The following CSRNP3 variants were observed in gnomAD, a reference collection of about 807,000 sequenced individuals.
CSRNP3 encodes cysteine/serine-rich nuclear protein 3.
CSRNP3 carries 12 observed loss-of-function variants against 48.0 expected under a neutral mutation model. That is an observed-to-expected ratio of 0.25 (90% CI 0.16 to 0.41). CSRNP3 has a LOEUF of 0.41. Ranked by LOEUF, CSRNP3 falls within the 10% of genes least tolerant of loss-of-function variation. CSRNP3 has a pLI of 1.00. For missense variants in CSRNP3, 580 were observed against 724.4 expected (o/e 0.80, Z 2.29); for synonymous variants, 263 against 269.7 (o/e 0.98, Z 0.24).
chr2:165,656,846 CT>C lies in CSRNP3; in HGVS notation c.149-909del, dbSNP rs573860470. Among the ~76,000 whole-genome samples, 273 of 152,212 alleles carry C rather than the reference CT, an allele frequency of 1.8e-3. 3 individuals carry two copies. The highest frequency in any genetic ancestry group is 5.9e-3 in the African/African-American group (247 of 41,548). ...AGGTATGAGGGTTTGTACTATGTGT[CT>C]TTTTTGATTATAGTATAATACAACT... On this transcript the variant is annotated intron_variant, in intron 4 of 6. Transcript: ENST00000651982.
At chr2:165,635,913 C>T (rs1686619742) in intron 4 of CSRNP3, among the ~76,000 whole-genome samples, 1 of 152,142 alleles carries the variant, frequency 6.6e-6, no homozygotes, top group South Asian at 2.1e-4. Flanking sequence ...TTCTTTCCCT[C>T]CTCAATTGTT....
intron 2 of CSRNP3, among the ~76,000 whole-genome samples, chr2:165,516,442 G>C (rs945836732): frequency 6.6e-6 from 1 of 151,914 alleles, no homozygotes; most frequent in South Asian, 2.1e-4. Context: ...TTTGAAAAAC[G>C]TACAGAGAGG....
chr2:165,594,514 C>G (rs1337158387), intron 3 of CSRNP3, among the ~76,000 whole-genome samples: 1 of 152,152 alleles, frequency 6.6e-6, no homozygotes. Context: ...CTTCAGTAAG[C>G]AGGTAGCATG....
chr2:165,596,432 C>G (rs1411250567), intron 4 of CSRNP3, among the ~76,000 whole-genome samples: 1 of 151,968 alleles, frequency 6.6e-6, no homozygotes, highest in Non-Finnish European at 1.5e-5. Flanking sequence ...TGTAGCAACT[C>G]AAACAACTAA....
At chr2:165,639,351 A>C (rs891739451) in intron 4 of CSRNP3, among the ~76,000 whole-genome samples, 4 of 152,136 alleles carry the variant, frequency 2.6e-5, no homozygotes, top group Non-Finnish European at 5.9e-5. Context: ...GGGACAACTC[A>C]ATTTTTCACT....
intron 3 of CSRNP3, among the ~76,000 whole-genome samples, chr2:165,580,016 C>T (rs944311141): frequency 6.6e-6 from 1 of 150,718 alleles, no homozygotes; most frequent in African/African-American, 2.4e-5. Flanking sequence ...GCAAGCTCCA[C>T]CTCCCGGGTT....
At chr2:165,560,598 G>A (rs1214242974) in intron 3 of CSRNP3, among the ~76,000 whole-genome samples, 1 of 152,224 alleles carries the variant, frequency 6.6e-6, no homozygotes, top group East Asian at 1.9e-4. Context: ...TATCTACTCT[G>A]ATAGAGTCCA....
intron 3 of CSRNP3, among the ~76,000 whole-genome samples, chr2:165,553,241 A>T (rs1030678971): frequency 6.6e-6 from 1 of 152,186 alleles, no homozygotes; most frequent in South Asian, 2.1e-4. Flanking sequence ...CTTCGACCTC[A>T]CTGGGACCTA....
At chr2:165,628,490 G>A (rs900269604) in intron 4 of CSRNP3, among the ~76,000 whole-genome samples, 4 of 151,758 alleles carry the variant, frequency 2.6e-5, no homozygotes, top group African/African-American at 7.3e-5. Context: ...TTGGGAGGCC[G>A]AGGGGGGCAG....
chr2:165,679,453 G>A lies in CSRNP3; in HGVS notation c.1458G>A (p.Glu486=). 6.2e-7 allele frequency: 1 copy of A among 1,613,194 alleles called. No individual in the cohort carries two copies. Among genetic ancestry groups the A allele is most frequent in the Non-Finnish European group, 8.5e-7 (1 of 1,179,886 alleles). Reference sequence around the variant, plus strand: ...TTGACTATGCCCGACAAGCAGAAGAGGCCTATGGTGCCTCCCACTACCCAG... The same window carrying A: ...TTGACTATGCCCGACAAGCAGAAGAAGCCTATGGTGCCTCCCACTACCCAG... ...QFVDYARQAE[E]AYGASHYPAA... The change falls in exon 7 of 7, where the codon GAG becomes GAA. Residue 486 remains glutamate, a synonymous_variant. Transcript: ENST00000651982.
At chr2:165,478,844 A>G (rs907792169) in intron 1 of CSRNP3, among the ~76,000 whole-genome samples, 1 of 152,228 alleles carries the variant, frequency 6.6e-6, no homozygotes, top group African/African-American at 2.4e-5. Context: ...CATGATAAAA[A>G]GGGAAGCATA....
chr2:165,623,998 T>C (rs1255278472), intron 4 of CSRNP3, among the ~76,000 whole-genome samples: 1 of 152,152 alleles, frequency 6.6e-6, no homozygotes, highest in Non-Finnish European at 1.5e-5. Flanking sequence ...CATTCGTCTT[T>C]GAAGTTTTCT....
intron 3 of CSRNP3, among the ~76,000 whole-genome samples, chr2:165,578,157 G>A (rs1038084187): frequency 1.3e-5 from 2 of 151,958 alleles, no homozygotes; most frequent in Admixed American, 6.6e-5. Context: ...AATCATTGGT[G>A]CCATATACTT....
chr2:165,549,845 T>G (rs1685075850), intron 3 of CSRNP3, among the ~76,000 whole-genome samples: 1 of 152,164 alleles, frequency 6.6e-6, no homozygotes, highest in African/African-American at 2.4e-5. Context: ...TCCTTTCACA[T>G]TTGTATTGAT....
At chr2:165,479,747 A>G (rs1473488656) in intron 1 of CSRNP3, among the ~76,000 whole-genome samples, 1 of 151,998 alleles carries the variant, frequency 6.6e-6, no homozygotes, top group Non-Finnish European at 1.5e-5. Context: ...TTAGTCAGGC[A>G]TGGTGGTACA....
intron 3 of CSRNP3, among the ~76,000 whole-genome samples, chr2:165,528,978 G>T (rs138783589): frequency 1.3e-5 from 2 of 152,166 alleles, no homozygotes; most frequent in East Asian, 1.9e-4. Context: ...GCCAGAGCAG[G>T]GGGGAGCCCT....
At chr2:165,495,287 G>A (rs1177007490) in intron 2 of CSRNP3, among the ~76,000 whole-genome samples, 1 of 152,014 alleles carries the variant, frequency 6.6e-6, no homozygotes, top group Non-Finnish European at 1.5e-5. Flanking sequence ...AATATTTACA[G>A]TGCTGAGTGT....
chr2:165,531,069 A>C (rs1322319592), intron 3 of CSRNP3, among the ~76,000 whole-genome samples: 4 of 152,156 alleles, frequency 2.6e-5, no homozygotes, highest in African/African-American at 7.2e-5. Context: ...AAATTGACTA[A>C]AGATAATATT....
Position 165,520,775 on chromosome 2 carries a change from TATATATATTATATATATATATATATA to T in CSRNP3, c.-24+2815_-24+2840del, listed in dbSNP as rs1684643280. ...AATAGATATATAGAAATATATTATA[TATATATATTATATATATATATATATA>T]TATATATATATATATATATATATAT... is the stretch of plus-strand genomic sequence containing the variant. On this transcript the variant is annotated intron_variant, in intron 3 of 6. Coordinates refer to ENST00000651982, the MANE Select transcript of CSRNP3 (RefSeq NM_001172173.2). 9.8e-3 allele frequency among the ~76,000 whole-genome samples: 131 copies of T among 13,336 alleles called. 1 individual carries two copies. Among genetic ancestry groups the T allele is most frequent in the African/African-American group, 0.07 (126 of 1,810 alleles). 8.7% of individuals were successfully genotyped at this position (13,336 alleles called of 152,430 possible).
Sources: gnomAD v4.1 joint callset for allele counts (sites outside exome capture counted in the v4.1 genomes callset) on GRCh38, gnomAD v4.1.1 for gene constraint, MANE v1.5 for transcripts, NCBI Gene and HGNC (gene_info 2026-07-23, HGNC 2026-07-21) for gene names.